The following CUX1 variants were observed in gnomAD, a reference collection of about 807,000 sequenced individuals.
CUX1 encodes the protein protein CASP.
Under a neutral mutation model 158.8 loss-of-function variants are expected in CUX1, and 31 were observed. The ratio of observed to expected loss-of-function variants is 0.20; its 90% confidence interval spans 0.15 to 0.26. The LOEUF (loss-of-function observed/expected upper bound fraction) is 0.26, where lower values mean the gene tolerates loss of function less well. CUX1 is among the 10% of genes least tolerant of loss of function. The probability of loss-of-function intolerance (pLI) is 1.00; values close to 1 mark genes in which losing one functional copy is unlikely to be tolerated. For missense variants in CUX1, 1,589 were observed against 2,014.6 expected, an observed-to-expected ratio of 0.79 and a Z score of 4.04; for synonymous variants, 879 against 862.1, an observed-to-expected ratio of 1.02 and a Z score of -0.34.
At chr7:102,155,108 A>G (rs1407143862) in intron 8 of CUX1, among the ~76,000 whole-genome samples, 1 of 152,210 alleles carries the variant, frequency 6.6e-6, no homozygotes, top group African/African-American at 2.4e-5. Context: ...CCATTCCAGC[A>G]CCAGGAAACT....
At chr7:101,816,656 T>C (rs1200143276), upstream of CUX1, among the ~76,000 whole-genome samples, 1 of 142,512 alleles carries the variant, frequency 7.0e-6, no homozygotes, top group Non-Finnish European at 1.6e-5. Flanking sequence ...GTGAAGCGCC[T>C]GCCTCTCCAG....
intron 1 of CUX1, among the ~76,000 whole-genome samples, chr7:101,825,757 G>GTGTGTT (rs1381921887): frequency 1.1e-5 from 1 of 93,398 alleles, no homozygotes; most frequent in African/African-American, 4.2e-5. Flanking sequence ...TGAAATCTGT[G>GTGTGTT]TGTGTGTGTG....
At chr7:101,963,336 G>A (rs1390922141) in intron 2 of CUX1, among the ~76,000 whole-genome samples, 5 of 152,244 alleles carry the variant, frequency 3.3e-5, no homozygotes, top group East Asian at 1.9e-4. Flanking sequence ...GTCCACTCCT[G>A]TATTCCATGC....
chr7:101,948,420 T>C (rs911463290), intron 2 of CUX1, among the ~76,000 whole-genome samples: 4 of 151,804 alleles, frequency 2.6e-5, no homozygotes, highest in Non-Finnish European at 5.9e-5. Flanking sequence ...TGGCTTTTCA[T>C]AGGGGAACGT....
chr7:102,028,140 G>A lies in CUX1; in HGVS notation c.184G>A (p.Gly62Arg). The A allele has an allele frequency of 6.2e-7, 1 of 1,613,016 alleles. No individual in the cohort carries two copies. The highest frequency in any genetic ancestry group is 8.5e-7 in the Non-Finnish European group (1 of 1,180,022). ...QVAPLLKSFQ[G>R]EIDALSKRSK... Reference sequence around the variant, plus strand: ...AGCGCCGCTGCTGAAGAGTTTCCAAGGAGAGGTAAGCTTTTCTATTCATTT... The same window carrying A: ...AGCGCCGCTGCTGAAGAGTTTCCAAAGAGAGGTAAGCTTTTCTATTCATTT... Residue 62 changes from glycine (G) to arginine (R), a missense_variant, in exon 3 of 24, where the codon GGA becomes AGA. By Grantham distance (125) the Gly-to-Arg change is moderately radical. Coordinates refer to ENST00000292535, the MANE Select transcript of CUX1 (RefSeq NM_181552.4).
chr7:102,107,325 G>A (rs1830462181), intron 6 of CUX1, among the ~76,000 whole-genome samples: 1 of 152,090 alleles, frequency 6.6e-6, no homozygotes, highest in African/African-American at 2.4e-5. Context: ...GATCACTTGA[G>A]GTCAGGAGTT....
At chr7:101,898,722 C>G (rs536341177) in intron 1 of CUX1, among the ~76,000 whole-genome samples, 1 of 151,864 alleles carries the variant, frequency 6.6e-6, no homozygotes, top group African/African-American at 2.4e-5. Context: ...TCCTGAGTAG[C>G]TGGGATTACA....
At chr7:102,200,274 A>G in intron 17 of CUX1, 102 bp downstream of exon 17, 1 of 865,068 alleles carries the variant, frequency 1.2e-6, no homozygotes, top group Non-Finnish European at 1.7e-6. Flanking sequence ...TTTAAACAAT[A>G]ATGAATGCCT....
At chr7:101,944,573 C>G (rs2129144273) in intron 2 of CUX1, among the ~76,000 whole-genome samples, 1 of 152,314 alleles carries the variant, frequency 6.6e-6, no homozygotes, top group South Asian at 2.1e-4. Context: ...GGGGATCTGC[C>G]TAAGGTCACA....
At chr7:101,855,364 C>A (rs1796659031) in intron 1 of CUX1, among the ~76,000 whole-genome samples, 1 of 152,180 alleles carries the variant, frequency 6.6e-6, no homozygotes, top group Admixed American at 6.5e-5. Context: ...GGGGCCGTGT[C>A]CTCCGAGTGG....
At chr7:102,181,239 G>A (rs1793055451) in intron 11 of CUX1, among the ~76,000 whole-genome samples, 1 of 151,982 alleles carries the variant, frequency 6.6e-6, no homozygotes, top group Non-Finnish European at 1.5e-5. Context: ...CGCGAACCAG[G>A]TCATTTATTT....
chr7:102,169,134 C>T (rs782014698), intron 9 of CUX1, among the ~76,000 whole-genome samples: 2 of 151,736 alleles, frequency 1.3e-5, no homozygotes, highest in East Asian at 1.9e-4. Flanking sequence ...GGTTTCTCCA[C>T]GTTGGTCAGG....
intron 16 of CUX1, among the ~76,000 whole-genome samples, chr7:102,199,297 G>A (rs114192579): frequency 0.014 from 2,112 of 152,290 alleles, 47 homozygotes; most frequent in African/African-American, 0.048. Flanking sequence ...ATCCCACATC[G>A]TCCCGGTGGC....
intron 1 of CUX1, among the ~76,000 whole-genome samples, chr7:101,874,668 AGGTTCTGCCCG>A (rs1798932950): frequency 6.6e-6 from 1 of 152,172 alleles, no homozygotes; most frequent in African/African-American, 2.4e-5. Context: ...TCTGACCCCG[AGGTTCTGCCCG>A]GGTTTCTGTC....
rs1255801836 is a variant in CUX1, at chr7:102,254,213, T to G, written c.*5171T>G. ...CGTGGTCTCGGGGCTCCGAGGGTCT[T>G]GTCTTTGGTCCGCCTTCCTTTCTGT... On this transcript the variant is annotated 3_prime_UTR_variant, in exon 24 of 24. Coordinates refer to ENST00000292535, the MANE Select transcript of CUX1 (RefSeq NM_181552.4). 63 of 985,416 alleles carry G rather than the reference T, an allele frequency of 6.4e-5. No homozygotes were observed. Among genetic ancestry groups the G allele is most frequent in the Non-Finnish European group, 7.3e-5 (61 of 830,046 alleles). The allele number at this position is 985,416 out of a possible 1,614,324, so 61.0% of individuals were successfully genotyped here.
At chr7:101,925,696 C>G (rs1473599619) in intron 2 of CUX1, among the ~76,000 whole-genome samples, 1 of 152,144 alleles carries the variant, frequency 6.6e-6, no homozygotes, top group Non-Finnish European at 1.5e-5. Context: ...CTTTGGGAGG[C>G]TGAGGCAGAT....
chr7:101,823,832 G>T (rs1160033244), intron 1 of CUX1, among the ~76,000 whole-genome samples: 1 of 152,110 alleles, frequency 6.6e-6, no homozygotes, highest in South Asian at 2.1e-4. Context: ...AATGCCTGTC[G>T]TACCGTCATT....
intron 9 of CUX1, among the ~76,000 whole-genome samples, chr7:102,162,120 G>A (rs1042561705): frequency 7.2e-5 from 11 of 151,998 alleles, no homozygotes; most frequent in Admixed American, 3.9e-4. Flanking sequence ...TCTGGGACGC[G>A]AAAAGATAAG....
intron 1 of CUX1, among the ~76,000 whole-genome samples, chr7:101,833,074 G>C (rs981526022): frequency 4.6e-5 from 7 of 152,154 alleles, no homozygotes; most frequent in African/African-American, 1.7e-4. Context: ...AGGGAGGAGG[G>C]TGCGTTCGAC....
Sources: allele counts gnomAD v4.1 joint callset (sites outside exome capture counted in the v4.1 genomes callset), GRCh38; gene constraint gnomAD v4.1.1; transcripts MANE v1.5; gene names NCBI Gene and HGNC (gene_info 2026-07-23, HGNC 2026-07-21).